TASP1: variants seen among roughly 807,000 people sequenced by gnomAD.
The protein encoded by TASP1 is taspase 1, also known as threonine aspartase 1.
In TASP1, 16 loss-of-function variants were observed where a neutral mutation model predicts 56.6. The observed-to-expected ratio is 0.28, with a 90% CI of 0.19 to 0.43. The LOEUF (loss-of-function observed/expected upper bound fraction) is 0.43, where lower values mean the gene tolerates loss of function less well. TASP1 is among the 20% of genes least tolerant of loss of function. The pLI is 1.00. For missense variants in TASP1, 393 were observed against 511.6 expected (o/e 0.77, Z 2.24); for synonymous variants, 179 against 184.2 (o/e 0.97, Z 0.23).
At chr20:13,244,024 G>A in the TASP1 span, 2 of 152,196 alleles carry the variant, frequency 1.3e-5, no homozygotes, top group East Asian at 3.8e-4. Flanking sequence ...CTCCAGTGTA[G>A]GCACTGGTGA....
chr20:13,294,068 C>T, the TASP1 span, among the ~76,000 whole-genome samples: 15 of 152,124 alleles, frequency 9.9e-5, no homozygotes, highest in Non-Finnish European at 1.5e-4. Context: ...AAATGAAAAG[C>T]TTTATCCAAA....
At chr20:13,299,571 A>C in the TASP1 span, 1 of 980,728 alleles carries the variant, frequency 1.0e-6, no homozygotes, top group Non-Finnish European at 1.5e-6. The surrounding 1 kb of genome is among the most constrained non-coding windows in gnomAD (Gnocchi z 5.8). Context: ...GTATATTTGT[A>C]TATACCACAT....
At chr20:13,226,662 T>C in the TASP1 span, among the ~76,000 whole-genome samples, 1 of 152,230 alleles carries the variant, frequency 6.6e-6, no homozygotes, top group Admixed American at 6.5e-5. Flanking sequence ...TGTCTGATAG[T>C]TGGTGCTTGC....
intron 11 of TASP1, among the ~76,000 whole-genome samples, chr20:13,456,033 C>T (rs1044906414): frequency 8.5e-5 from 13 of 152,266 alleles, no homozygotes; most frequent in African/African-American, 3.1e-4. Flanking sequence ...TCAAGATCCT[C>T]AAGCACTTCT....
the TASP1 span, among the ~76,000 whole-genome samples, chr20:13,350,537 G>A: frequency 2.0e-5 from 3 of 151,960 alleles, no homozygotes; most frequent in East Asian, 1.9e-4. Context: ...TAAAACTTAC[G>A]CTCTATGAAA....
chr20:13,421,642 C>T (rs1398244847), intron 12 of TASP1, among the ~76,000 whole-genome samples: 5 of 151,984 alleles, frequency 3.3e-5, no homozygotes, highest in Non-Finnish European at 7.4e-5. Flanking sequence ...CACAAGATAC[C>T]ATTATCAGGT....
At chr20:13,190,229 C>T in the TASP1 span, among the ~76,000 whole-genome samples, 1 of 152,084 alleles carries the variant, frequency 6.6e-6, no homozygotes, top group Non-Finnish European at 1.5e-5. Context: ...TAATAGAAAT[C>T]AGCATCACAC....
intron 10 of TASP1, among the ~76,000 whole-genome samples, chr20:13,521,785 A>T (rs1008500089): frequency 5.9e-5 from 9 of 151,634 alleles, no homozygotes; most frequent in Non-Finnish European, 1.2e-4. Flanking sequence ...GTATAATAAT[A>T]AAATTAAATT....
At chr20:13,290,529 G>A in the TASP1 span, among the ~76,000 whole-genome samples, 1 of 152,056 alleles carries the variant, frequency 6.6e-6, no homozygotes, top group Non-Finnish European at 1.5e-5. Flanking sequence ...GGCGCCTGTA[G>A]TCCCAGCTAC....
chr20:13,479,606 T>G (rs1462421963), intron 11 of TASP1, among the ~76,000 whole-genome samples: 1 of 152,036 alleles, frequency 6.6e-6, no homozygotes, highest in Non-Finnish European at 1.5e-5. Flanking sequence ...GAGATTCCCC[T>G]GCCTTAGCCT....
intron 8 of TASP1, among the ~76,000 whole-genome samples, chr20:13,538,750 T>C (rs933705774): frequency 6.6e-6 from 1 of 152,048 alleles, no homozygotes; most frequent in Non-Finnish European, 1.5e-5. Context: ...AAACAAAGTA[T>C]AATCTAGCTA....
chr20:13,242,162 G>A, the TASP1 span, among the ~76,000 whole-genome samples: 3 of 152,168 alleles, frequency 2.0e-5, no homozygotes. Context: ...GCAGTAGAGG[G>A]AAAGGGTATG....
At chr20:13,454,629 G>T (rs368151348) in intron 11 of TASP1, among the ~76,000 whole-genome samples, 1 of 152,118 alleles carries the variant, frequency 6.6e-6, no homozygotes, top group African/African-American at 2.4e-5. Flanking sequence ...TACTAACCTC[G>T]ACCTGTCATT....
chr20:13,181,671 G>T, the TASP1 span, among the ~76,000 whole-genome samples: 1 of 152,184 alleles, frequency 6.6e-6, no homozygotes, highest in Non-Finnish European at 1.5e-5. Flanking sequence ...CACTTGCTCT[G>T]ATGTGGTGGT....
chr20:13,592,120 T>C (rs1278606409), intron 4 of TASP1, among the ~76,000 whole-genome samples: 2 of 152,048 alleles, frequency 1.3e-5, no homozygotes, highest in Non-Finnish European at 2.9e-5. Flanking sequence ...TAAATTTAGC[T>C]GGGCACAGTG....
At chr20:13,599,943 A>G (rs1394371555) in intron 4 of TASP1, among the ~76,000 whole-genome samples, 1 of 152,170 alleles carries the variant, frequency 6.6e-6, no homozygotes, top group Non-Finnish European at 1.5e-5. Context: ...TGAGTTAGTA[A>G]GCTCATAGGA....
chr20:13,536,893 C>T (rs1459371235), intron 8 of TASP1, among the ~76,000 whole-genome samples: 1 of 151,890 alleles, frequency 6.6e-6, no homozygotes, highest in African/African-American at 2.4e-5. Flanking sequence ...TTGATATAGG[C>T]ATAGATTGTA....
At chr20:13,468,864 T>TG (rs2044363600) in intron 11 of TASP1, among the ~76,000 whole-genome samples, 1 of 126,986 alleles carries the variant, frequency 7.9e-6, no homozygotes, top group African/African-American at 2.9e-5. Flanking sequence ...TATGTGTGTG[T>TG]GTTTTTTTTT....
the TASP1 span, among the ~76,000 whole-genome samples, chr20:13,181,086 G>T: frequency 6.6e-6 from 1 of 152,260 alleles, no homozygotes; most frequent in Non-Finnish European, 1.5e-5. Context: ...GCATCCCTCT[G>T]GTTAAAGATT....
Sources: gnomAD v4.1 joint callset for allele counts (sites outside exome capture counted in the v4.1 genomes callset) on GRCh38, gnomAD v4.1.1 for gene constraint, Gnocchi (gnomAD v3.1) non-coding constraint, MANE v1.5 for transcripts, NCBI Gene and HGNC (gene_info 2026-07-23, HGNC 2026-07-21) for gene names.